DIAPH3: variants seen among roughly 807,000 people sequenced by gnomAD.
DIAPH3 encodes the protein diaphanous related formin 3, also known as protein diaphanous homolog 3.
A neutral mutation model predicts 144.3 loss-of-function variants in DIAPH3; 117 were observed. That is an observed-to-expected ratio of 0.81 (90% confidence interval 0.70 to 0.95). DIAPH3 has a LOEUF of 0.95. DIAPH3 is among the 40% of genes least tolerant of loss of function. The pLI, the probability that DIAPH3 is intolerant of heterozygous loss-of-function variation, is 0.00. For synonymous variants in DIAPH3, 519 were observed against 488.9 expected (o/e 1.06, Z -0.81); for missense variants, 1,421 against 1,412.7 (o/e 1.01, Z -0.09).
chr13:59,977,760 C>T (rs1004725444), intron 14 of DIAPH3, among the ~76,000 whole-genome samples: 1 of 151,604 alleles, frequency 6.6e-6, no homozygotes, highest in Non-Finnish European at 1.5e-5. Context: ...AAGATGACTA[C>T]AGGGTTTTGT....
chr13:60,092,544 C>A (rs1187874831), intron 4 of DIAPH3, among the ~76,000 whole-genome samples: 1 of 151,930 alleles, frequency 6.6e-6, no homozygotes. Flanking sequence ...CCAGCTACTC[C>A]GGAGGCTGAG....
intron 4 of DIAPH3, among the ~76,000 whole-genome samples, chr13:60,052,964 A>AAAAAAAAAAAAAAAAG: frequency 6.9e-6 from 1 of 144,424 alleles, no homozygotes; most frequent in Non-Finnish European, 1.5e-5. Flanking sequence ...CCTCTTAAAA[A>AAAAAAAAAAAAAAAAG]AAAAAAAAAA....
chr13:59,786,751 G>C (rs2039050755), intron 25 of DIAPH3, among the ~76,000 whole-genome samples: 1 of 152,192 alleles, frequency 6.6e-6, no homozygotes, highest in African/African-American at 2.4e-5. Flanking sequence ...GAAGCTCTGT[G>C]TGTATGTGTT....
intron 27 of DIAPH3, among the ~76,000 whole-genome samples, chr13:59,757,247 G>A (rs1396735723): frequency 1.3e-5 from 2 of 152,056 alleles, no homozygotes; most frequent in Non-Finnish European, 2.9e-5. Flanking sequence ...ACCCAGACCA[G>A]TGAGGCAATA....
intron 5 of DIAPH3, among the ~76,000 whole-genome samples, chr13:60,018,334 CAA>C (rs1418512840): frequency 6.6e-6 from 1 of 152,040 alleles, no homozygotes; most frequent in Non-Finnish European, 1.5e-5. Flanking sequence ...GTTAATATAA[CAA>C]AAAGACTTTG....
intron 23 of DIAPH3, among the ~76,000 whole-genome samples, chr13:59,833,874 CTTG>C (rs2041909495): frequency 6.6e-6 from 1 of 151,664 alleles, no homozygotes; most frequent in African/African-American, 2.4e-5. Flanking sequence ...CACAAAAATA[CTTG>C]TTATCATCAT....
chr13:60,113,127 A>G (rs1317864703), intron 2 of DIAPH3, among the ~76,000 whole-genome samples: 4 of 152,182 alleles, frequency 2.6e-5, no homozygotes, highest in Non-Finnish European at 4.4e-5. Context: ...AACCTGTACT[A>G]TTCATTATGG....
intron 27 of DIAPH3, among the ~76,000 whole-genome samples, chr13:59,768,826 G>C (rs995203325): frequency 6.6e-6 from 1 of 152,010 alleles, no homozygotes; most frequent in South Asian, 2.1e-4. Context: ...CCAAATTAAG[G>C]CTATTAAGAA....
At chr13:60,084,010 ATAG>A (rs2057663579) in intron 4 of DIAPH3, among the ~76,000 whole-genome samples, 1 of 26,926 alleles carries the variant, frequency 3.7e-5, no homozygotes, top group East Asian at 2.3e-3. Flanking sequence ...AGATAGACAG[ATAG>A]ATAGATAGAT....
At chr13:59,723,689 C>A (rs1369558974) in intron 27 of DIAPH3, among the ~76,000 whole-genome samples, 1 of 151,810 alleles carries the variant, frequency 6.6e-6, no homozygotes, top group Non-Finnish European at 1.5e-5. Context: ...CGGCTCGCTG[C>A]AATCTCCGCC....
At chr13:59,958,950 A>T (rs966410853) in intron 17 of DIAPH3, among the ~76,000 whole-genome samples, 1 of 138,726 alleles carries the variant, frequency 7.2e-6, no homozygotes, top group African/African-American at 2.8e-5. Flanking sequence ...ATCTCGGCTC[A>T]CTGCAACCTC....
intron 1 of DIAPH3, among the ~76,000 whole-genome samples, chr13:60,145,256 TATTTATGGAG>T (rs1341845477): frequency 6.6e-6 from 1 of 152,144 alleles, no homozygotes; most frequent in Non-Finnish European, 1.5e-5. Context: ...GTTTCTGAAT[TATTTATGGAG>T]CAAAGAATTC....
In DIAPH3 at chr13:59,732,598, C is replaced by T. The variant is rs1358116192; in HGVS notation, c.3319+41591G>A. Among the ~76,000 whole-genome samples the T allele has an allele frequency of 4.0e-5, 6 of 151,778 alleles. No homozygotes were observed. The South Asian group carries it at 6.3e-4, about 16-fold the overall frequency. On this transcript the variant is annotated intron_variant, in intron 27 of 27. Transcript: ENST00000400324. ...CTGGGACTACAGGCGCACTCCAACCCGGCCTGCTAGTTTTTTGTATTTTTA... is the reference window on the plus strand; with the variant it reads ...CTGGGACTACAGGCGCACTCCAACCTGGCCTGCTAGTTTTTTGTATTTTTA...
chr13:59,669,276 T>A (rs934149424), intron 27 of DIAPH3, among the ~76,000 whole-genome samples: 2 of 152,210 alleles, frequency 1.3e-5, no homozygotes, highest in African/African-American at 4.8e-5. Context: ...CTTAGATTCA[T>A]GACTATGAAC....
At chr13:60,079,861 T>C (rs1036774231) in intron 4 of DIAPH3, among the ~76,000 whole-genome samples, 2 of 151,970 alleles carry the variant, frequency 1.3e-5, no homozygotes, top group African/African-American at 2.4e-5. Flanking sequence ...AGCCTTCAAC[T>C]GTAACATTTA....
rs998272748 is a variant in DIAPH3 at position 59,833,581 on chromosome 13, G to T, written c.2863-310C>A. 2.0e-5 allele frequency among the ~76,000 whole-genome samples: 3 copies of T among 151,756 alleles called. No homozygotes were observed. The Admixed American group carries it at 2.0e-4, about 10-fold the overall frequency. Reference sequence around the variant, plus strand: ...ATATAATATGCAGATCATACAATATGATTTAAAATTATAGTTCAGTAGTTG... The same window carrying T: ...ATATAATATGCAGATCATACAATATTATTTAAAATTATAGTTCAGTAGTTG... On this transcript the variant is annotated intron_variant, in intron 23 of 27. Coordinates refer to ENST00000400324, the MANE Select transcript of DIAPH3 (RefSeq NM_001042517.2).
chr13:59,670,645 G>C (rs9538495), intron 27 of DIAPH3, among the ~76,000 whole-genome samples: 112,473 of 149,770 alleles, frequency 0.75, 42,616 homozygotes, highest in East Asian at 0.9. Context: ...TGCAGTGGCG[G>C]GATCTCGGCT....
In DIAPH3 at chr13:59,879,441, G is replaced by C; in HGVS notation, c.2395C>G (p.Arg799Gly). Residue 799 changes from arginine (R) to glycine (G), a missense_variant, in exon 21 of 28, where the codon CGG (arginine) becomes GGG (glycine). Physicochemically the swap from Arg to Gly is moderately radical, Grantham distance 125 (BLOSUM62 -2). Transcript: ENST00000400324. The part of the protein sequence containing the change: ...VMSNVKRLRP[R>G]LSAILFKLQF... The stretch of plus-strand genomic sequence containing the variant: ...AGCTTAAAGAGAATAGCACTGAGCC[G>C]TGGCCGTAGTCTCTTCACATTGCTC... 6.2e-7 allele frequency: 1 copy of C among 1,613,680 alleles called. No homozygotes were observed. Among genetic ancestry groups the C allele is most frequent in the South Asian group, 1.1e-5 (1 of 91,072 alleles).
chr13:59,800,672 A>G (rs448955), intron 25 of DIAPH3, among the ~76,000 whole-genome samples: 93,153 of 151,946 alleles, frequency 0.61, 29,039 homozygotes, highest in East Asian at 0.7. Context: ...AATCCAAACG[A>G]CATGTTTCCT....
Sources: gnomAD v4.1 joint callset for allele counts (sites outside exome capture counted in the v4.1 genomes callset) on GRCh38, gnomAD v4.1.1 for gene constraint, MANE v1.5 for transcripts, NCBI Gene and HGNC (gene_info 2026-07-23, HGNC 2026-07-21) for gene names.